SGIP1: variants seen among roughly 807,000 people sequenced by gnomAD.
The protein encoded by SGIP1 is SH3-containing GRB2-like protein 3-interacting protein 1.
A neutral mutation model predicts 107.5 loss-of-function variants in SGIP1; 38 were observed. That is an observed-to-expected ratio of 0.35 (90% confidence interval 0.27 to 0.46). The LOEUF (loss-of-function observed/expected upper bound fraction) is 0.46, where lower values mean the gene tolerates loss of function less well. Ranked by LOEUF, SGIP1 falls within the 20% of genes least tolerant of loss-of-function variation. The pLI is 1.00. For synonymous variants in SGIP1, 365 were observed against 366.1 expected, an observed-to-expected ratio of 1.00 and a Z score of 0.03; for missense variants, 929 against 1,019.5, an observed-to-expected ratio of 0.91 and a Z score of 1.21.
At chr1:66,603,066 A>G (rs1315400936) in intron 1 of SGIP1, among the ~76,000 whole-genome samples, 1 of 152,220 alleles carries the variant, frequency 6.6e-6, no homozygotes, top group Non-Finnish European at 1.5e-5. Flanking sequence ...CACCTTATAC[A>G]TCCTGCAAGT....
chr1:66,707,255 A>G (rs1286827407), intron 18 of SGIP1, among the ~76,000 whole-genome samples: 1 of 152,194 alleles, frequency 6.6e-6, no homozygotes. Context: ...AATAATAGAC[A>G]AAGTGCTGGC....
Position 66,741,269 on chromosome 1 carries a change from TAGGGGTGG to T in SGIP1, c.2300-2_2305del. 1 of 1,569,312 alleles carries T rather than the reference TAGGGGTGG, an allele frequency of 6.4e-7. No individual in the cohort carries two copies. Among genetic ancestry groups the T allele is most frequent in the Non-Finnish European group, 8.6e-7 (1 of 1,161,032 alleles). On this transcript the variant is annotated splice_acceptor_variant and coding_sequence_variant, in exon 24 of 25. Transcript: ENST00000371037. LOFTEE classifies it high-confidence loss of function. Reference sequence around the variant, plus strand: ...TACCTTGTAATAATGTGTTTTTTTTTAGGGGTGGGTTCTTTGTTGGCAAGATTTCAGTT... The same window carrying T: ...TACCTTGTAATAATGTGTTTTTTTTTGTTCTTTGTTGGCAAGATTTCAGTT...
chr1:66,660,994 T>C (rs1349472465), intron 8 of SGIP1, among the ~76,000 whole-genome samples: 1 of 152,164 alleles, frequency 6.6e-6, no homozygotes, highest in African/African-American at 2.4e-5. Context: ...GTTTTTGTTT[T>C]AGTAAATCAA....
At chr1:66,684,161 G>A in intron 15 of SGIP1, 1 of 1,550,584 alleles carries the variant, frequency 6.4e-7, no homozygotes, top group Non-Finnish European at 8.7e-7. Flanking sequence ...TTACAAGCTG[G>A]AGGCAATGAA....
intron 1 of SGIP1, among the ~76,000 whole-genome samples, chr1:66,579,355 C>T (rs2061510732): frequency 6.6e-6 from 1 of 152,074 alleles, no homozygotes; most frequent in African/African-American, 2.4e-5. Flanking sequence ...AGATGGTAGA[C>T]ATAGGAATGC....
intron 7 of SGIP1, among the ~76,000 whole-genome samples, chr1:66,659,940 AAAAGAAAG>A (rs201787822): frequency 1.7e-5 from 1 of 60,476 alleles, no homozygotes; most frequent in African/African-American, 7.6e-5. Context: ...GAGAGAAAGA[AAAAGAAAG>A]AAAAAGAAAG....
intron 7 of SGIP1, among the ~76,000 whole-genome samples, chr1:66,652,719 A>G (rs1416166742): frequency 2.0e-5 from 3 of 150,786 alleles, no homozygotes; most frequent in African/African-American, 7.3e-5. Flanking sequence ...TCCTCACTTC[A>G]GCAGAAGGTT....
At chr1:66,733,478 TATC>T (rs2094108845) in intron 20 of SGIP1, among the ~76,000 whole-genome samples, 1 of 152,176 alleles carries the variant, frequency 6.6e-6, no homozygotes, top group African/African-American at 2.4e-5. Context: ...AGCTCCCAAT[TATC>T]ATCGCAATTA....
chr1:66,711,168 A>C (rs1458842495), intron 18 of SGIP1, among the ~76,000 whole-genome samples: 1 of 152,200 alleles, frequency 6.6e-6, no homozygotes, highest in Non-Finnish European at 1.5e-5. Flanking sequence ...AAACCCTTCT[A>C]TCATTATGTA....
rs184239669 is a variant in SGIP1, at chr1:66,551,491, G to T, written c.10+17123G>T. On this transcript the variant is annotated intron_variant, in intron 1 of 24. Coordinates refer to ENST00000371037, the MANE Select transcript of SGIP1 (RefSeq NM_032291.4). The stretch of plus-strand genomic sequence containing the variant: ...ATTCTGACTTTGTGGTTTGGAAAAG[G>T]TTGTAGTTCCCAACTTTATATTAAT... Among the ~76,000 whole-genome samples the T allele has an allele frequency of 2.2e-3, 339 of 152,212 alleles. 2 individuals are homozygous for T. Among genetic ancestry groups the T allele is most frequent in the African/African-American group, 7.9e-3 (330 of 41,528 alleles).
intron 21 of SGIP1, among the ~76,000 whole-genome samples, chr1:66,735,072 T>C (rs1037063032): frequency 6.6e-6 from 1 of 152,022 alleles, no homozygotes; most frequent in Non-Finnish European, 1.5e-5. Context: ...CTAACTGAAA[T>C]TTTGTGTCTT....
intron 15 of SGIP1, among the ~76,000 whole-genome samples, chr1:66,687,710 C>T (rs142062878): frequency 2.0e-4 from 30 of 152,296 alleles, no homozygotes; most frequent in Middle Eastern, 3.4e-3. Flanking sequence ...CAATACCTAC[C>T]TCCAAAGCTT....
chr1:66,592,289 A>T (rs976090866), intron 1 of SGIP1, among the ~76,000 whole-genome samples: 1 of 152,166 alleles, frequency 6.6e-6, no homozygotes, highest in Non-Finnish European at 1.5e-5. Flanking sequence ...GGTACTAGAG[A>T]TTAGAGAATG....
chr1:66,659,398 T>A (rs185356334), intron 7 of SGIP1, among the ~76,000 whole-genome samples: 210 of 152,258 alleles, frequency 1.4e-3, no homozygotes, highest in African/African-American at 4.8e-3. Flanking sequence ...AAGGATGGGA[T>A]CAAAGAAGAA....
chr1:66,627,309 T>C (rs2073087804), intron 2 of SGIP1, among the ~76,000 whole-genome samples: 1 of 152,062 alleles, frequency 6.6e-6, no homozygotes, highest in Non-Finnish European at 1.5e-5. Context: ...GTGTATTTCA[T>C]GCAAAGGGAA....
chr1:66,562,127 C>T (rs1432227621), intron 1 of SGIP1, among the ~76,000 whole-genome samples: 2 of 151,844 alleles, frequency 1.3e-5, no homozygotes, highest in Non-Finnish European at 2.9e-5. Flanking sequence ...CATTCACTGA[C>T]ATATATTAGT....
At chr1:66,647,980 G>T (rs973501856) in intron 7 of SGIP1, among the ~76,000 whole-genome samples, 6 of 152,174 alleles carry the variant, frequency 3.9e-5, no homozygotes, top group African/African-American at 7.2e-5. Context: ...TTTAAGGAGT[G>T]ACCTTGGACT....
At chr1:66,562,143 C>T (rs1476533937) in intron 1 of SGIP1, among the ~76,000 whole-genome samples, 1 of 151,870 alleles carries the variant, frequency 6.6e-6, no homozygotes, top group Non-Finnish European at 1.5e-5. Flanking sequence ...TTAGTGAGCA[C>T]CTCCTATGTG....
chr1:66,749,137 A>G lies in SGIP1; in HGVS notation c.*6042A>G, dbSNP rs1321198472. 8.5e-6 allele frequency among the ~76,000 whole-genome samples: 1 copy of G among 117,898 alleles called. No homozygotes were observed. Among genetic ancestry groups the G allele is most frequent in the Non-Finnish European group, 1.8e-5 (1 of 54,688 alleles). 77.3% of individuals were successfully genotyped at this position (117,898 alleles called of 152,430 possible). A position where few individuals can be genotyped will look rare whatever the true frequency, so the allele number is the denominator to read the frequency against. On this transcript the variant is annotated 3_prime_UTR_variant, in exon 25 of 25. Transcript: ENST00000371037. ...TCATCTAAAATATTCAAAACAAAAC[A>G]ATAAAATTATTTTAATTTTTGTATT...
Sources: gnomAD v4.1 joint callset for allele counts (sites outside exome capture counted in the v4.1 genomes callset) on GRCh38, gnomAD v4.1.1 for gene constraint, MANE v1.5 for transcripts, NCBI Gene and HGNC (gene_info 2026-07-23, HGNC 2026-07-21) for gene names.